Variants in GALNTL6 observed in about 807,000 individuals in gnomAD.
GALNTL6 encodes polypeptide N-acetylgalactosaminyltransferase-like 6.
In GALNTL6, 46 loss-of-function variants were observed where a neutral mutation model predicts 73.7. The observed-to-expected ratio is 0.62, with a 90% confidence interval of 0.49 to 0.80. The LOEUF (loss-of-function observed/expected upper bound fraction) is 0.80, where lower values mean the gene tolerates loss of function less well. GALNTL6 is among the 30% of genes least tolerant of loss of function. The pLI, the probability that GALNTL6 is intolerant of heterozygous loss-of-function variation, is 0.00. For synonymous variants in GALNTL6, 259 were observed against 263.7 expected (o/e 0.98, Z 0.17); for missense variants, 604 against 755.0 (o/e 0.80, Z 2.34).
chr4:172,941,181 G>C (rs751124394), intron 9 of GALNTL6, among the ~76,000 whole-genome samples: 10 of 152,134 alleles, frequency 6.6e-5, no homozygotes, highest in Non-Finnish European at 1.3e-4. Context: ...TTGTGCAAAA[G>C]AGAGCTTGTA....
Position 171,865,650 on chromosome 4 carries a change from A to T in GALNTL6, c.138+50932A>T, listed in dbSNP as rs956977784. ...CAGAAATGGAAGGATCCAGTTTTCAACACATAAATATGGATTGTGTCTAAC... is the reference window on the plus strand; with the variant it reads ...CAGAAATGGAAGGATCCAGTTTTCATCACATAAATATGGATTGTGTCTAAC... On this transcript the variant is annotated intron_variant, in intron 2 of 12. Transcript: ENST00000506823. Among the ~76,000 whole-genome samples, 7 of 152,342 alleles carry T rather than the reference A, an allele frequency of 4.6e-5. No individual in the cohort carries two copies. The East Asian group carries it at 1.2e-3, about 25-fold the overall frequency.
intron 2 of GALNTL6, among the ~76,000 whole-genome samples, chr4:171,881,761 G>A (rs758777911): frequency 6.6e-6 from 1 of 152,088 alleles, no homozygotes; most frequent in Non-Finnish European, 1.5e-5. Flanking sequence ...ACTTAGTAGT[G>A]GTCTCTTCTT....
chr4:172,191,172 A>G (rs12331061), intron 2 of GALNTL6, among the ~76,000 whole-genome samples: 5,762 of 152,234 alleles, frequency 0.038, 351 homozygotes, highest in African/African-American at 0.13. Flanking sequence ...TTGTTTACCT[A>G]TGAATGACTT....
chr4:172,427,429 CA>C (rs1731273128), intron 5 of GALNTL6, among the ~76,000 whole-genome samples: 1 of 152,038 alleles, frequency 6.6e-6, no homozygotes, highest in South Asian at 2.1e-4. Context: ...TACCTCCCAC[CA>C]GGTCCTTACC....
chr4:172,822,127 G>A (rs1453354249), intron 7 of GALNTL6, among the ~76,000 whole-genome samples: 2 of 152,142 alleles, frequency 1.3e-5, no homozygotes, highest in East Asian at 1.9e-4. Context: ...TCATTTAACA[G>A]TGAAAATGAC....
At chr4:172,401,580 T>G (rs937317861) in intron 5 of GALNTL6, among the ~76,000 whole-genome samples, 1 of 152,100 alleles carries the variant, frequency 6.6e-6, no homozygotes, top group Admixed American at 6.6e-5. Flanking sequence ...TTATAGTTTC[T>G]CTCTTTTTAA....
intron 2 of GALNTL6, among the ~76,000 whole-genome samples, chr4:171,944,963 T>C (rs1386806383): frequency 6.6e-6 from 1 of 152,050 alleles, no homozygotes; most frequent in African/African-American, 2.4e-5. Flanking sequence ...TCTGTTCTTT[T>C]TCAATCAGAA....
At chr4:172,351,362 C>A (rs1313085334) in intron 5 of GALNTL6, among the ~76,000 whole-genome samples, 1 of 151,856 alleles carries the variant, frequency 6.6e-6, no homozygotes, top group African/African-American at 2.4e-5. Flanking sequence ...CCAATATGGC[C>A]AATAAGCTAC....
chr4:171,871,391 A>C (rs1288319235), intron 2 of GALNTL6, among the ~76,000 whole-genome samples: 4 of 152,198 alleles, frequency 2.6e-5, no homozygotes, highest in African/African-American at 4.8e-5. Flanking sequence ...GACTGTAGTC[A>C]ACTACAGGTC....
chr4:172,117,690 G>A (rs1418182470), intron 2 of GALNTL6, among the ~76,000 whole-genome samples: 2 of 151,970 alleles, frequency 1.3e-5, no homozygotes, highest in South Asian at 2.1e-4. Flanking sequence ...AACAAATTGT[G>A]GCCTATTCGT....
chr4:172,009,651 A>G (rs1317028867), intron 2 of GALNTL6, among the ~76,000 whole-genome samples: 1 of 152,072 alleles, frequency 6.6e-6, no homozygotes, highest in East Asian at 1.9e-4. Flanking sequence ...GTTTTGTGGT[A>G]TATTGCATTG....
chr4:172,770,770 A>G (rs1324102022), intron 5 of GALNTL6, among the ~76,000 whole-genome samples: 1 of 152,224 alleles, frequency 6.6e-6, no homozygotes, highest in Admixed American at 6.5e-5. Context: ...GCATTTCTAA[A>G]GTAAGCTAAG....
Position 172,533,408 on chromosome 4 carries a change from T to TCC in GALNTL6, c.553+184720_553+184721dup, listed in dbSNP as rs891452258. On this transcript the variant is annotated intron_variant, in intron 5 of 12. Coordinates refer to ENST00000506823, the MANE Select transcript of GALNTL6 (RefSeq NM_001034845.3). ...GGTGTGATCTTGGCTTACTGCAACC[T>TCC]CCGCCTCCCCAGTTCAAGCGATTCT... is the stretch of plus-strand genomic sequence containing the variant. 2.4e-4 allele frequency among the ~76,000 whole-genome samples: 29 copies of TCC among 121,784 alleles called. 1 individual carries two copies. The highest frequency in any genetic ancestry group is 8.0e-4 in the Admixed American group (7 of 8,772). 79.9% of individuals were successfully genotyped at this position (121,784 alleles called of 152,430 possible).
chr4:172,972,576 A>G (rs1052255667), intron 10 of GALNTL6, among the ~76,000 whole-genome samples: 6 of 152,248 alleles, frequency 3.9e-5, no homozygotes, highest in African/African-American at 4.8e-5. Context: ...CTAGCTCTCA[A>G]TTGTGGTCTC....
At chr4:172,391,337 T>C (rs1743658783) in intron 5 of GALNTL6, among the ~76,000 whole-genome samples, 1 of 152,098 alleles carries the variant, frequency 6.6e-6, no homozygotes, top group Non-Finnish European at 1.5e-5. Flanking sequence ...ACTTCTATTC[T>C]TTTACTTTTT....
At chr4:172,151,943 T>C (rs1301210264) in intron 2 of GALNTL6, among the ~76,000 whole-genome samples, 1 of 3,546 alleles carries the variant, frequency 2.8e-4, no homozygotes, top group Non-Finnish European at 1.9e-3. Flanking sequence ...AATTTATATC[T>C]ATCTATCTAT....
chr4:171,927,863 T>A (rs558259556), intron 2 of GALNTL6, among the ~76,000 whole-genome samples: 1 of 152,306 alleles, frequency 6.6e-6, no homozygotes, highest in South Asian at 2.1e-4. Flanking sequence ...AATGCCACAG[T>A]CACACAAAGT....
chr4:172,181,324 C>G (rs527987925), intron 2 of GALNTL6, among the ~76,000 whole-genome samples: 25 of 152,274 alleles, frequency 1.6e-4, no homozygotes, highest in African/African-American at 5.8e-4. Context: ...ATACTCAAAT[C>G]AATAAATGTA....
chr4:172,995,753 A>AT (rs1156896931), intron 10 of GALNTL6, among the ~76,000 whole-genome samples: 2 of 152,246 alleles, frequency 1.3e-5, no homozygotes, highest in African/African-American at 4.8e-5. Flanking sequence ...GTTACTTCTT[A>AT]TAACTGTTTT....
Sources: gnomAD v4.1 joint callset for allele counts (sites outside exome capture counted in the v4.1 genomes callset) on GRCh38, gnomAD v4.1.1 for gene constraint, MANE v1.5 for transcripts, NCBI Gene and HGNC (gene_info 2026-07-23, HGNC 2026-07-21) for gene names.